Variants in ZDHHC18 observed in about 807,000 individuals in gnomAD.
ZDHHC18 encodes the protein palmitoyltransferase ZDHHC18.
ZDHHC18 carries 23 observed loss-of-function variants against 37.5 expected under a neutral mutation model. The observed-to-expected ratio is 0.61, with a 90% confidence interval of 0.44 to 0.87. The LOEUF (loss-of-function observed/expected upper bound fraction) is 0.87, where lower values mean the gene tolerates loss of function less well. ZDHHC18 is among the 40% of genes least tolerant of loss of function. The probability of loss-of-function intolerance (pLI) is 0.00; values close to 1 mark genes in which losing one functional copy is unlikely to be tolerated. For synonymous variants in ZDHHC18, 185 were observed against 218.7 expected, an observed-to-expected ratio of 0.85 and a Z score of 1.36; for missense variants, 406 against 525.6, an observed-to-expected ratio of 0.77 and a Z score of 2.22.
rs2081720831 is a variant in ZDHHC18 at position 26,853,996 on chromosome 1, TC to T, written c.*155del. 2.8e-6 allele frequency: 2 copies of T among 721,592 alleles called. No homozygotes were observed. Among genetic ancestry groups the T allele is most frequent in the Admixed American group, 5.1e-5 (2 of 39,186 alleles). The allele number at this position is 721,592 out of a possible 1,614,324, so 44.7% of individuals were successfully genotyped here. A position where few individuals can be genotyped will look rare whatever the true frequency, so the allele number is the denominator to read the frequency against. On this transcript the variant is annotated 3_prime_UTR_variant, in exon 8 of 8. Transcript: ENST00000374142. ...TCCTGCGTGGCTTTCCCTGAACTGT[TC>T]CGTGGCTGTGCCCTCTGCTCCCCAA...
chr1:26,836,442 C>T (rs1173862983), intron 2 of ZDHHC18, among the ~76,000 whole-genome samples: 1 of 152,164 alleles, frequency 6.6e-6, no homozygotes, highest in African/African-American at 2.4e-5. Context: ...CTGCCCTGTC[C>T]CCCCACAAAC....
In ZDHHC18 at chr1:26,857,380, C is replaced by G. The variant is rs1224612213; in HGVS notation, c.*3537C>G. The G allele has an allele frequency of 6.6e-6, 1 of 152,190 alleles. No individual in the cohort carries two copies. The highest frequency in any genetic ancestry group is 1.5e-5 in the Non-Finnish European group (1 of 68,074). The allele number at this position is 152,190 out of a possible 1,614,324, so 9.4% of individuals were successfully genotyped here. ...CGGCCTGTCCACCTCCCACCCCCAACCCTCCACCAGAGTAGGTAGGATGTA... is the reference window on the plus strand; with the variant it reads ...CGGCCTGTCCACCTCCCACCCCCAAGCCTCCACCAGAGTAGGTAGGATGTA... On this transcript the variant is annotated 3_prime_UTR_variant, in exon 8 of 8. Transcript: ENST00000374142.
At chr1:26,835,788 C>G (rs2081608874) in intron 2 of ZDHHC18, among the ~76,000 whole-genome samples, 1 of 152,220 alleles carries the variant, frequency 6.6e-6, no homozygotes, top group African/African-American at 2.4e-5. Context: ...GGAGCTGTCT[C>G]TGAGGCAGGT....
chr1:26,846,290 GTATATA>G (rs1557644428), intron 2 of ZDHHC18, among the ~76,000 whole-genome samples: 2 of 47,858 alleles, frequency 4.2e-5, no homozygotes, highest in Non-Finnish European at 6.8e-5. Flanking sequence ...GTGTGTGTGT[GTATATA>G]TATATATATA....
Position 26,827,294 on chromosome 1 carries a change from C to A in ZDHHC18, c.335+155C>A, listed in dbSNP as rs1327427092. 3.3e-5 allele frequency among the ~76,000 whole-genome samples: 5 copies of A among 151,284 alleles called. No individual in the cohort carries two copies. In the South Asian group the frequency reaches 8.4e-4, roughly 25 times the overall value. On this transcript the variant is annotated intron_variant, in intron 1 of 7. Transcript: ENST00000374142. ...CTCCTCGGGCCTCTTGTCTGCCCCC[C>A]TGGCCCCTGCGCACCCCCATCCCCG...
chr1:26,833,375 G>T (rs1230178485), intron 2 of ZDHHC18, among the ~76,000 whole-genome samples: 1 of 152,142 alleles, frequency 6.6e-6, no homozygotes. Context: ...TGACGGTGGG[G>T]TTATCTAGGG....
At chr1:26,844,728 G>A (rs2081655025) in intron 2 of ZDHHC18, among the ~76,000 whole-genome samples, 1 of 152,134 alleles carries the variant, frequency 6.6e-6, no homozygotes. Context: ...TCTAGTGCAT[G>A]TGTCATAGTA....
At chr1:26,832,694 C>G in intron 2 of ZDHHC18, 87 bp downstream of exon 2, 1 of 1,515,554 alleles carries the variant, frequency 6.6e-7, no homozygotes, top group South Asian at 1.2e-5. Flanking sequence ...TCTTCCAAAA[C>G]TATACTAGGA....
Position 26,835,562 on chromosome 1 carries a change from A to T in ZDHHC18, c.496+2955A>T, listed in dbSNP as rs556514686. On this transcript the variant is annotated intron_variant, in intron 2 of 7. Transcript: ENST00000374142. ...GTAAAAATACAAAAATTAGCTGGGC[A>T]TGGTGGCGTGTGCCTGTAATCCCAG... is the stretch of plus-strand genomic sequence containing the variant. 6.6e-5 allele frequency among the ~76,000 whole-genome samples: 10 copies of T among 152,236 alleles called. No individual in the cohort carries two copies. In the East Asian group the frequency reaches 1.9e-3, roughly 29 times the overall value.
At chr1:26,842,130 T>C (rs1339154515) in intron 2 of ZDHHC18, among the ~76,000 whole-genome samples, 1 of 133,954 alleles carries the variant, frequency 7.5e-6, no homozygotes, top group Non-Finnish European at 1.6e-5. Context: ...CGAGACTCCA[T>C]CTCAAAAAAA....
Position 26,826,700 on chromosome 1 carries a change from A to AGTGAGCGG in ZDHHC18, c.-104_-103insTGAGCGGG. 2.4e-6 allele frequency: 1 copy of AGTGAGCGG among 418,910 alleles called. No individual in the cohort carries two copies. Among genetic ancestry groups the AGTGAGCGG allele is most frequent in the Non-Finnish European group, 3.2e-6 (1 of 314,540 alleles). The allele number at this position is 418,910 out of a possible 1,614,324, so 25.9% of individuals were successfully genotyped here. ...GCGGGGCCGCCCCAGTGAGTGAGCG[A>AGTGAGCGG]GCGAGCGCCGCGCGCGCCGCCGCTG... On this transcript the variant is annotated 5_prime_UTR_variant, in exon 1 of 8. Coordinates refer to ENST00000374142, the MANE Select transcript of ZDHHC18 (RefSeq NM_032283.3). The surrounding 1 kb of genome is among the most constrained non-coding windows in gnomAD (Gnocchi z 5.2).
chr1:26,839,731 G>T (rs758451233), intron 2 of ZDHHC18, among the ~76,000 whole-genome samples: 26 of 152,228 alleles, frequency 1.7e-4, no homozygotes, highest in Non-Finnish European at 3.5e-4. Context: ...GAAGAGACTT[G>T]AGTCTTTTGG....
chr1:26,852,689 A>G, intron 6 of ZDHHC18, 64 bp from the exon 7 acceptor site: 1 of 1,440,466 alleles, frequency 6.9e-7, no homozygotes, highest in Admixed American at 1.7e-5. Flanking sequence ...CAGCCTCTAG[A>G]CCTGCCTCCT....
At chr1:26,833,890 G>A (rs1412339782) in intron 2 of ZDHHC18, among the ~76,000 whole-genome samples, 1 of 152,108 alleles carries the variant, frequency 6.6e-6, no homozygotes, top group Non-Finnish European at 1.5e-5. Flanking sequence ...GGGAGGGAGG[G>A]AGGGCGAGCA....
rs74405694 is a variant in ZDHHC18, at chr1:26,827,650, A to G, written c.335+511A>G. 7.3e-3 allele frequency among the ~76,000 whole-genome samples: 1,112 copies of G among 151,730 alleles called. 5 individuals are homozygous for G. Among genetic ancestry groups the G allele is most frequent in the Non-Finnish European group, 0.012 (818 of 67,898 alleles). On this transcript the variant is annotated intron_variant, in intron 1 of 7. Coordinates refer to ENST00000374142, the MANE Select transcript of ZDHHC18 (RefSeq NM_032283.3). Reference sequence around the variant, plus strand: ...TGTGCACACCCACCATAAACATCCTAGTCATCCTCGCTGCCCTCTCCGGGT... The same window carrying G: ...TGTGCACACCCACCATAAACATCCTGGTCATCCTCGCTGCCCTCTCCGGGT...
intron 2 of ZDHHC18, among the ~76,000 whole-genome samples, chr1:26,848,205 G>T (rs545840387): frequency 1.3e-5 from 2 of 152,040 alleles, no homozygotes; most frequent in Non-Finnish European, 2.9e-5. Flanking sequence ...CCAGCTACTC[G>T]GGAGGCTGAG....
intron 1 of ZDHHC18, among the ~76,000 whole-genome samples, chr1:26,830,283 G>A (rs886123198): frequency 2.6e-5 from 4 of 152,212 alleles, no homozygotes; most frequent in Admixed American, 2.6e-4. Context: ...GAACCTCAAA[G>A]TCAGACCTGG....
At chr1:26,839,455 T>TTTGCC (rs1272287023) in intron 2 of ZDHHC18, among the ~76,000 whole-genome samples, 1 of 152,212 alleles carries the variant, frequency 6.6e-6, no homozygotes, top group Non-Finnish European at 1.5e-5. Flanking sequence ...TTTCTATGAA[T>TTTGCC]TTGCCCCTTA....
intron 1 of ZDHHC18, among the ~76,000 whole-genome samples, chr1:26,830,758 T>C (rs1362325220): frequency 1.5e-5 from 2 of 129,920 alleles, no homozygotes; most frequent in African/African-American, 3.1e-5. Context: ...AGCTTATGTT[T>C]TTTTATGTTT....
Sources: gnomAD v4.1 joint callset for allele counts (sites outside exome capture counted in the v4.1 genomes callset) on GRCh38, gnomAD v4.1.1 for gene constraint, Gnocchi (gnomAD v3.1) non-coding constraint, MANE v1.5 for transcripts, NCBI Gene and HGNC (gene_info 2026-07-23, HGNC 2026-07-21) for gene names.